PRKCE: variants seen among roughly 807,000 people sequenced by gnomAD.
PRKCE encodes the protein protein kinase C epsilon.
A neutral mutation model predicts 85.4 loss-of-function variants in PRKCE; 16 were observed. The observed-to-expected ratio is 0.19, with a 90% CI of 0.13 to 0.28. The LOEUF is 0.28. PRKCE is among the 10% of genes least tolerant of loss of function. The pLI is 1.00. For synonymous variants in PRKCE, 388 were observed against 371.5 expected (o/e 1.04, Z -0.51); for missense variants, 573 against 975.2 (o/e 0.59, Z 5.49).
At chr2:45,753,526 A>T (rs1343453740) in intron 1 of PRKCE, among the ~76,000 whole-genome samples, 1 of 152,150 alleles carries the variant, frequency 6.6e-6, no homozygotes, top group Non-Finnish European at 1.5e-5. Flanking sequence ...ACCATTCATT[A>T]TTGTGGCCAG....
At chr2:45,914,550 C>T (rs765287956) in intron 2 of PRKCE, among the ~76,000 whole-genome samples, 2 of 152,152 alleles carry the variant, frequency 1.3e-5, no homozygotes, top group Non-Finnish European at 2.9e-5. Context: ...CAGTCCCTAC[C>T]TCCATGTTTT....
chr2:46,125,622 G>T (rs1484227603), intron 11 of PRKCE, among the ~76,000 whole-genome samples: 1 of 152,118 alleles, frequency 6.6e-6, no homozygotes, highest in African/African-American at 2.4e-5. Flanking sequence ...CTGACTGATG[G>T]AATTTTTCCA....
intron 1 of PRKCE, among the ~76,000 whole-genome samples, chr2:45,772,680 G>A (rs7577273): frequency 0.64 from 96,491 of 151,930 alleles, 30,826 homozygotes; most frequent in East Asian, 0.72. Context: ...TTACTGAAGA[G>A]ATGTGAGTTG....
intron 2 of PRKCE, among the ~76,000 whole-genome samples, chr2:45,921,840 G>T (rs1698272544): frequency 6.6e-6 from 1 of 152,184 alleles, no homozygotes; most frequent in Non-Finnish European, 1.5e-5. Context: ...CATGTTTACT[G>T]CTTTAGAATG....
intron 14 of PRKCE, among the ~76,000 whole-genome samples, chr2:46,181,464 T>C (rs936638625): frequency 7.9e-5 from 12 of 152,220 alleles, no homozygotes; most frequent in South Asian, 2.1e-4. Flanking sequence ...CCACAGATGA[T>C]TCTGGAACCT....
At chr2:45,814,362 G>A (rs527258629) in intron 1 of PRKCE, among the ~76,000 whole-genome samples, 3 of 152,312 alleles carry the variant, frequency 2.0e-5, no homozygotes, top group East Asian at 3.9e-4. Context: ...AAGGGTCGTC[G>A]GGGGCTCTGC....
intron 2 of PRKCE, among the ~76,000 whole-genome samples, chr2:45,868,422 T>C (rs995090802): frequency 6.6e-6 from 1 of 150,622 alleles, no homozygotes; most frequent in African/African-American, 2.4e-5. Context: ...GTATAAGTAG[T>C]TGCTAGCCCA....
intron 1 of PRKCE, chr2:45,701,321 T>C (rs538283250): frequency 6.6e-6 from 1 of 152,226 alleles, no homozygotes; most frequent in East Asian, 1.9e-4. Flanking sequence ...AAGGTTAAAT[T>C]GGGATGCTAC....
chr2:45,976,349 A>C lies in PRKCE; in HGVS notation c.413-80A>C, dbSNP rs934113353. The stretch of plus-strand genomic sequence containing the variant: ...CCCAGCTCCACTCCCCCAGGGATGG[A>C]GTAGCTCTCCAGAGGGAGCTCATTT... On this transcript the variant is annotated intron_variant, in intron 2 of 14. Coordinates refer to ENST00000306156, the MANE Select transcript of PRKCE (RefSeq NM_005400.3). The C allele has an allele frequency of 4.7e-6, 7 of 1,494,624 alleles. No homozygotes were observed. In the African/African-American group the frequency reaches 9.7e-5, roughly 21 times the overall value. The allele number at this position is 1,494,624 out of a possible 1,614,324, so 92.6% of individuals were successfully genotyped here.
intron 11 of PRKCE, among the ~76,000 whole-genome samples, chr2:46,118,447 C>T (rs1464412589): frequency 6.6e-6 from 1 of 152,204 alleles, no homozygotes; most frequent in Non-Finnish European, 1.5e-5. Context: ...GCTGTGAAAA[C>T]ACTGCATTGG....
chr2:45,837,267 AT>A, intron 1 of PRKCE, among the ~76,000 whole-genome samples: 1 of 152,096 alleles, frequency 6.6e-6, no homozygotes, highest in Non-Finnish European at 1.5e-5. Context: ...AAGTTCTTTT[AT>A]TTTTTTAAGA....
intron 2 of PRKCE, among the ~76,000 whole-genome samples, chr2:45,958,235 C>T (rs1180255987): frequency 6.7e-6 from 1 of 148,300 alleles, no homozygotes; most frequent in Non-Finnish European, 1.5e-5. Flanking sequence ...TTGGGCCAGG[C>T]ATGGTGGCTC....
intron 1 of PRKCE, among the ~76,000 whole-genome samples, chr2:45,824,145 G>T (rs1438012121): frequency 1.3e-5 from 2 of 152,234 alleles, no homozygotes; most frequent in African/African-American, 4.8e-5. Flanking sequence ...TGGTGGAGAG[G>T]TAATCTTGAG....
intron 1 of PRKCE, among the ~76,000 whole-genome samples, chr2:45,748,890 A>ATT (rs34676578): frequency 1.4e-3 from 199 of 145,324 alleles, no homozygotes; most frequent in East Asian, 6.4e-3. Context: ...AGGGAACAGG[A>ATT]TTTTTTTTTT....
chr2:46,060,005 C>T (rs1666951759), intron 10 of PRKCE, among the ~76,000 whole-genome samples: 1 of 152,100 alleles, frequency 6.6e-6, no homozygotes, highest in Non-Finnish European at 1.5e-5. Context: ...TGCTCAAGGT[C>T]ATGTGTTTGC....
intron 1 of PRKCE, among the ~76,000 whole-genome samples, chr2:45,682,671 C>T (rs1677000650): frequency 6.6e-6 from 1 of 152,198 alleles, no homozygotes; most frequent in Non-Finnish European, 1.5e-5. Context: ...ACTGTAACCT[C>T]CACCTCCTGG....
intron 10 of PRKCE, among the ~76,000 whole-genome samples, chr2:46,035,191 A>G (rs575477679): frequency 6.6e-6 from 1 of 152,204 alleles, no homozygotes; most frequent in Admixed American, 6.5e-5. Flanking sequence ...AGGTGTCCCC[A>G]TACACCACAG....
intron 2 of PRKCE, among the ~76,000 whole-genome samples, chr2:45,880,140 C>T (rs548809498): frequency 2.0e-5 from 3 of 152,196 alleles, no homozygotes; most frequent in African/African-American, 7.2e-5. Context: ...CTGCTCCTGG[C>T]TTATTTCACT....
chr2:45,881,137 A>C (rs571392847), intron 2 of PRKCE, among the ~76,000 whole-genome samples: 1 of 137,686 alleles, frequency 7.3e-6, no homozygotes, highest in Non-Finnish European at 1.5e-5. Flanking sequence ...TGGGCGACAG[A>C]GCGAGACTCC....
Sources: allele counts gnomAD v4.1 joint callset (sites outside exome capture counted in the v4.1 genomes callset), GRCh38; gene constraint gnomAD v4.1.1; transcripts MANE v1.5; gene names NCBI Gene and HGNC (gene_info 2026-07-23, HGNC 2026-07-21).